MRPS21: variants seen among roughly 807,000 people sequenced by gnomAD.
The protein encoded by MRPS21 is mitochondrial ribosomal protein S21, also known as small ribosomal subunit protein bS21m.
A neutral mutation model predicts 9.9 loss-of-function variants in MRPS21; 8 were observed. That is an observed-to-expected ratio of 0.81 (90% CI 0.47 to 1.45). MRPS21 has a LOEUF of 1.45. MRPS21 is among the 40% of genes most tolerant of loss of function. MRPS21 has a pLI of 0.00. For missense variants in MRPS21, 101 were observed against 118.9 expected (o/e 0.85, Z 0.70); for synonymous variants, 40 against 40.3 (o/e 0.99, Z 0.03).
rs190984342 is a variant in MRPS21, at chr1:150,308,875, G to A, written c.*647G>A. 214 of 154,620 alleles carry A rather than the reference G, an allele frequency of 1.4e-3. No homozygotes were observed. The highest frequency in any genetic ancestry group is 4.8e-3 in the African/African-American group (198 of 41,578). The allele number at this position is 154,620 out of a possible 1,614,324, so 9.6% of individuals were successfully genotyped here. On this transcript the variant is annotated 3_prime_UTR_variant, in exon 3 of 3. Coordinates refer to ENST00000614145, the MANE Select transcript of MRPS21 (RefSeq NM_031901.6). ...GAGATGGATGATGAATGGTGATGGC[G>A]GTTGCTCAAAAAGTTGAATGTACTT...
At chr1:150,298,624 C>T (rs140745588) in intron 2 of MRPS21, among the ~76,000 whole-genome samples, 64 of 151,924 alleles carry the variant, frequency 4.2e-4, no homozygotes, top group African/African-American at 1.3e-3. Context: ...TTTTTTGAGA[C>T]GGAGTCTCCC....
chr1:150,295,470 A>G (rs1369531859), intron 2 of MRPS21, among the ~76,000 whole-genome samples: 1 of 152,188 alleles, frequency 6.6e-6, no homozygotes, highest in Non-Finnish European at 1.5e-5. Flanking sequence ...TTTTATGAGG[A>G]ACCTGAATTC....
intron 2 of MRPS21, among the ~76,000 whole-genome samples, chr1:150,299,501 C>G (rs1276146521): frequency 6.6e-6 from 1 of 152,008 alleles, no homozygotes; most frequent in Non-Finnish European, 1.5e-5. Context: ...GTCCCCCAAG[C>G]TGGAGTGCAG....
intron 2 of MRPS21, among the ~76,000 whole-genome samples, chr1:150,306,519 G>T (rs1467501587): frequency 3.3e-5 from 5 of 152,028 alleles, no homozygotes; most frequent in Non-Finnish European, 7.4e-5. Flanking sequence ...TTTTGAGATG[G>T]AGTTTCACTC....
chr1:150,301,764 T>A (rs1335603950), intron 2 of MRPS21, among the ~76,000 whole-genome samples: 1 of 151,884 alleles, frequency 6.6e-6, no homozygotes, highest in Non-Finnish European at 1.5e-5. Flanking sequence ...TGCCACCACG[T>A]CCGGCTAATT....
At chr1:150,303,702 T>C (rs1252587249) in intron 2 of MRPS21, among the ~76,000 whole-genome samples, 6 of 152,232 alleles carry the variant, frequency 3.9e-5, no homozygotes, top group African/African-American at 1.4e-4. Context: ...GCCTAAACAA[T>C]TTCATAGGAG....
At chr1:150,295,145 G>A (rs897026013) in intron 2 of MRPS21, among the ~76,000 whole-genome samples, 1 of 151,530 alleles carries the variant, frequency 6.6e-6, no homozygotes, top group Non-Finnish European at 1.5e-5. Context: ...ACAGGCTCCC[G>A]CCACCACGCC....
At chr1:150,306,193 T>C (rs972341132) in intron 2 of MRPS21, among the ~76,000 whole-genome samples, 3 of 152,236 alleles carry the variant, frequency 2.0e-5, no homozygotes, top group African/African-American at 4.8e-5. Context: ...AACCTACTTA[T>C]TCACATTTCA....
At chr1:150,306,512 T>G (rs1378524196) in intron 2 of MRPS21, among the ~76,000 whole-genome samples, 1 of 152,028 alleles carries the variant, frequency 6.6e-6, no homozygotes, top group Non-Finnish European at 1.5e-5. Context: ...GTGATCTTTT[T>G]GAGATGGAGT....
intron 2 of MRPS21, chr1:150,303,891 C>A (rs1352287055): frequency 8.8e-6 from 4 of 455,974 alleles, no homozygotes; most frequent in Admixed American, 7.0e-5. Flanking sequence ...TTTTGGCATA[C>A]ATTTCCTAGT....
At chr1:150,294,012 A>T (rs1653818332) in intron 1 of MRPS21, 114 bp downstream of exon 1, 1 of 263,068 alleles carries the variant, frequency 3.8e-6, no homozygotes, top group Admixed American at 4.4e-5. Flanking sequence ...CCAACTCCCA[A>T]CTCAACCCCT....
chr1:150,299,070 G>A (rs1300375003), intron 2 of MRPS21, among the ~76,000 whole-genome samples: 1 of 152,150 alleles, frequency 6.6e-6, no homozygotes, highest in East Asian at 1.9e-4. Flanking sequence ...ACAAAAATTA[G>A]CCATGCATGG....
intron 2 of MRPS21, among the ~76,000 whole-genome samples, chr1:150,302,498 C>T (rs1654179021): frequency 6.6e-6 from 1 of 152,138 alleles, no homozygotes; most frequent in South Asian, 2.1e-4. Flanking sequence ...ACACGTCTGT[C>T]CTGACGTAGA....
At chr1:150,294,148 T>G in intron 1 of MRPS21, 187 bp from the exon 2 acceptor site, 1 of 488,642 alleles carries the variant, frequency 2.0e-6, no homozygotes, top group Non-Finnish European at 3.8e-6. Context: ...TATGCGAGGA[T>G]TTGGACTGGC....
At chr1:150,300,235 C>T (rs993802464) in intron 2 of MRPS21, among the ~76,000 whole-genome samples, 3 of 151,920 alleles carry the variant, frequency 2.0e-5, no homozygotes, top group South Asian at 2.1e-4. Flanking sequence ...CCCAGCTATT[C>T]GGGAGGCTGA....
At chr1:150,303,017 T>G (rs1654204388) in intron 2 of MRPS21, among the ~76,000 whole-genome samples, 1 of 152,194 alleles carries the variant, frequency 6.6e-6, no homozygotes, top group Non-Finnish European at 1.5e-5. Flanking sequence ...TATGTTCTTT[T>G]GTTATTCTTT....
At chr1:150,300,297 C>T (rs371104037) in intron 2 of MRPS21, among the ~76,000 whole-genome samples, 2 of 151,726 alleles carry the variant, frequency 1.3e-5, no homozygotes, top group Non-Finnish European at 2.9e-5. Context: ...GAGCCGAGAT[C>T]GCGCCACTGC....
At chr1:150,295,613 C>G (rs1553856411) in intron 2 of MRPS21, among the ~76,000 whole-genome samples, 1 of 152,080 alleles carries the variant, frequency 6.6e-6, no homozygotes. Flanking sequence ...AAGGTGAATT[C>G]AGATTGGCAT....
chr1:150,300,523 T>C (rs2101906784), intron 2 of MRPS21, among the ~76,000 whole-genome samples: 1 of 152,356 alleles, frequency 6.6e-6, no homozygotes, highest in East Asian at 1.9e-4. Context: ...ACTTTTTTAC[T>C]GAAGTGTCGT....
Sources: allele counts gnomAD v4.1 joint callset (sites outside exome capture counted in the v4.1 genomes callset), GRCh38; gene constraint gnomAD v4.1.1; transcripts MANE v1.5; gene names NCBI Gene and HGNC (gene_info 2026-07-23, HGNC 2026-07-21).